MLXIP: variants seen among roughly 807,000 people sequenced by gnomAD.
MLXIP encodes MLX interacting protein, also known as MLX-interacting protein.
In MLXIP, 30 loss-of-function variants were observed where a neutral mutation model predicts 87.2. The observed-to-expected ratio is 0.34, with a 90% CI of 0.26 to 0.47. MLXIP has a LOEUF of 0.47. MLXIP is among the 20% of genes least tolerant of loss of function. MLXIP has a pLI of 1.00. For synonymous variants in MLXIP, 530 were observed against 514.0 expected (o/e 1.03, Z -0.42); for missense variants, 1,002 against 1,240.1 (o/e 0.81, Z 2.88).
chr12:122,130,084 G>A lies in MLXIP; in HGVS notation c.882G>A (p.Pro294=), dbSNP rs367682904. Residue 294 remains proline, a synonymous_variant, in exon 6 of 17, where the codon CCG becomes CCA. Transcript: ENST00000319080. ...TLFSTLSSHQ[P]VAWPNPREIA... is the part of the protein sequence containing the mutation. ...TCTCCACACTTTCTTCACACCAGCC[G>A]GTGGCCTGGCCCAATCCCCGGGAAA... 2.5e-5 allele frequency: 41 copies of A among 1,613,844 alleles called. No homozygotes were observed. Among genetic ancestry groups the A allele is most frequent in the Admixed American group, 3.3e-5 (2 of 60,004 alleles).
In MLXIP at chr12:122,130,942, C is replaced by T. The variant is rs776063027; in HGVS notation, c.1000+9C>T. The T allele has an allele frequency of 3.1e-6, 5 of 1,600,394 alleles. No individual in the cohort carries two copies. The highest frequency in any genetic ancestry group is 2.7e-5 in the African/African-American group (2 of 74,610). On this transcript the variant is annotated intron_variant, in intron 7 of 16. Transcript: ENST00000319080. Reference sequence around the variant, plus strand: ...CTTTGAGCCTTTCCAGGGTGAGGACCAGAGGCAGAGAGAGCACGGTTGCCT... The same window carrying T: ...CTTTGAGCCTTTCCAGGGTGAGGACTAGAGGCAGAGAGAGCACGGTTGCCT...
intron 1 of MLXIP, among the ~76,000 whole-genome samples, chr12:122,094,923 G>C (rs1417492711): frequency 6.8e-6 from 1 of 147,536 alleles, no homozygotes; most frequent in Non-Finnish European, 1.5e-5. Flanking sequence ...TGCATTGTCT[G>C]GTGTTGGTGT....
chr12:122,104,491 T>C (rs1952489284), intron 1 of MLXIP, among the ~76,000 whole-genome samples: 1 of 152,144 alleles, frequency 6.6e-6, no homozygotes, highest in South Asian at 2.1e-4. Flanking sequence ...GATATAGCAG[T>C]GCGTTTTCTC....
Position 122,143,140 on chromosome 12 carries a change from C to G in MLXIP, c.*1328C>G, listed in dbSNP as rs1953240028. On this transcript the variant is annotated 3_prime_UTR_variant, in exon 17 of 17. Transcript: ENST00000319080. ...TAAAGCTCTGCTGAGGAGTTCGGAG[C>G]CCAGGCTTTCAGGCGACCTCTGCCC... 6.6e-6 allele frequency: 1 copy of G among 152,440 alleles called. No homozygotes were observed. The highest frequency in any genetic ancestry group is 6.5e-5 in the Admixed American group (1 of 15,296). 9.4% of individuals were successfully genotyped at this position (152,440 alleles called of 1,614,324 possible). A position where few individuals can be genotyped will look rare whatever the true frequency, so the allele number is the denominator to read the frequency against.
intron 1 of MLXIP, among the ~76,000 whole-genome samples, chr12:122,089,059 G>A (rs1170490221): frequency 6.6e-6 from 1 of 150,818 alleles, no homozygotes; most frequent in Non-Finnish European, 1.5e-5. Context: ...GTGCCTGTCT[G>A]TAATCCCAGC....
chr12:122,129,495 C>T, intron 4 of MLXIP, 93 bp from the exon 5 acceptor site: 2 of 1,455,830 alleles, frequency 1.4e-6, no homozygotes, highest in Non-Finnish European at 1.9e-6. Context: ...AGCAGGACCC[C>T]TACCTGCCTC....
intron 1 of MLXIP, among the ~76,000 whole-genome samples, chr12:122,090,232 A>G (rs571653687): frequency 9.8e-5 from 15 of 152,334 alleles, no homozygotes; most frequent in African/African-American, 3.6e-4. Context: ...GTGGTGACTC[A>G]CGCCTGTAAT....
At chr12:122,105,498 C>T (rs889275919) in intron 1 of MLXIP, among the ~76,000 whole-genome samples, 9 of 152,006 alleles carry the variant, frequency 5.9e-5, no homozygotes, top group East Asian at 1.9e-4. Flanking sequence ...CAGCCGTGCC[C>T]GGCTAATTTT....
chr12:122,140,525 C>A (rs911964859), intron 15 of MLXIP, among the ~76,000 whole-genome samples: 2 of 152,106 alleles, frequency 1.3e-5, no homozygotes, highest in Non-Finnish European at 2.9e-5. Flanking sequence ...AACTCCTGAC[C>A]TCAAGTGATT....
chr12:122,101,080 T>C (rs188689170), intron 1 of MLXIP, among the ~76,000 whole-genome samples: 7 of 152,328 alleles, frequency 4.6e-5, no homozygotes, highest in Non-Finnish European at 7.3e-5. Flanking sequence ...ATAAGTAAAC[T>C]CAATCAACAG....
intron 4 of MLXIP, 38 bp from the exon 5 acceptor site, chr12:122,129,550 C>T (rs1952937488): frequency 3.7e-6 from 6 of 1,610,930 alleles, no homozygotes; most frequent in East Asian, 4.5e-5. Context: ...CCTCCTAGGG[C>T]CATTGGTGAC....
intron 1 of MLXIP, among the ~76,000 whole-genome samples, chr12:122,118,774 G>A (rs1445498557): frequency 6.6e-6 from 1 of 151,908 alleles, no homozygotes; most frequent in East Asian, 1.9e-4. Flanking sequence ...CTTGAACCCG[G>A]GAGGCGGAGG....
At chr12:122,130,998 C>A in intron 7 of MLXIP, 65 bp downstream of exon 7, 1 of 1,082,412 alleles carries the variant, frequency 9.2e-7, no homozygotes, top group Non-Finnish European at 1.4e-6. Context: ...CAGAGCAGAT[C>A]GCTGCCTTCC....
Position 122,142,388 on chromosome 12 carries a change from GA to G in MLXIP, c.*578del. On this transcript the variant is annotated 3_prime_UTR_variant, in exon 17 of 17. Transcript: ENST00000319080. Reference sequence around the variant, plus strand: ...CTTATGCATGGCAGGCTGCCAGGGGGAAGTGCCTTCTTCAGAGGTCCTCCAG... The same window carrying G: ...CTTATGCATGGCAGGCTGCCAGGGGGAGTGCCTTCTTCAGAGGTCCTCCAG... The G allele has an allele frequency of 1.9e-6, 1 of 515,224 alleles. No homozygotes were observed. The highest frequency in any genetic ancestry group is 1.6e-5 in the South Asian group (1 of 63,030). 31.9% of individuals were successfully genotyped at this position (515,224 alleles called of 1,614,324 possible). A position where few individuals can be genotyped will look rare whatever the true frequency, so the allele number is the denominator to read the frequency against.
intron 1 of MLXIP, among the ~76,000 whole-genome samples, chr12:122,115,240 A>C (rs1282269267): frequency 6.6e-6 from 1 of 152,092 alleles, no homozygotes; most frequent in Non-Finnish European, 1.5e-5. Flanking sequence ...TGAAAACTAA[A>C]TCTCTGAACG....
chr12:122,082,272 G>A (rs1222301499), intron 1 of MLXIP, among the ~76,000 whole-genome samples: 3 of 152,202 alleles, frequency 2.0e-5, no homozygotes, highest in African/African-American at 7.2e-5. Context: ...GAAGGGTCTT[G>A]ATTTGGTCCA....
intron 1 of MLXIP, among the ~76,000 whole-genome samples, chr12:122,086,198 A>C (rs1167410504): frequency 6.6e-6 from 1 of 152,192 alleles, no homozygotes; most frequent in Non-Finnish European, 1.5e-5. Flanking sequence ...TGTGAGACCC[A>C]AATCAGACCT....
In MLXIP at chr12:122,139,098, G is replaced by C. The variant is rs61952926; in HGVS notation, c.2508+160G>C. The C allele has an allele frequency of 6.9e-6, 5 of 728,884 alleles. No homozygotes were observed. In the African/African-American group the frequency reaches 9.6e-5, roughly 14 times the overall value. The allele number at this position is 728,884 out of a possible 1,614,324, so 45.2% of individuals were successfully genotyped here. A position where few individuals can be genotyped will look rare whatever the true frequency, so the allele number is the denominator to read the frequency against. On this transcript the variant is annotated intron_variant, in intron 15 of 16. Transcript: ENST00000319080. The stretch of plus-strand genomic sequence containing the variant: ...TGTCTATCTCGGGAGAGAGTGGTCC[G>C]GCCTGGCCTGCTGTGTGGGCTGGAG...
intron 1 of MLXIP, among the ~76,000 whole-genome samples, chr12:122,120,774 G>A (rs976645414): frequency 1.3e-5 from 2 of 152,032 alleles, no homozygotes; most frequent in African/African-American, 4.8e-5. Context: ...TTCTTCTTCA[G>A]CACTCATTGT....
Sources: allele counts gnomAD v4.1 joint callset (sites outside exome capture counted in the v4.1 genomes callset), GRCh38; gene constraint gnomAD v4.1.1; transcripts MANE v1.5; gene names NCBI Gene and HGNC (gene_info 2026-07-23, HGNC 2026-07-21).